The following CTNNA2 variants were observed in gnomAD, a reference collection of about 807,000 sequenced individuals.
CTNNA2 encodes the protein catenin alpha 2, also known as catenin alpha-2.
In CTNNA2, 42 loss-of-function variants were observed where a neutral mutation model predicts 101.0. That is an observed-to-expected ratio of 0.42 (90% CI 0.32 to 0.54). CTNNA2 has a LOEUF of 0.54. CTNNA2 is among the 20% of genes least tolerant of loss of function. CTNNA2 has a pLI of 0.14. For missense variants in CTNNA2, 871 were observed against 1,223.1 expected (o/e 0.71, Z 4.29); for synonymous variants, 450 against 456.4 (o/e 0.99, Z 0.18).
At chr2:80,260,505 C>G (rs938511488) in intron 7 of CTNNA2, among the ~76,000 whole-genome samples, 2 of 152,168 alleles carry the variant, frequency 1.3e-5, no homozygotes, top group East Asian at 1.9e-4. Flanking sequence ...AAAGTAGAGG[C>G]TACATCTGTT....
chr2:79,457,960 G>A (rs72921104), intron 4 of CTNNA2, among the ~76,000 whole-genome samples: 6,629 of 152,190 alleles, frequency 0.044, 462 homozygotes, highest in African/African-American at 0.15. Flanking sequence ...ACAGTTCCTG[G>A]CATCAGCACC....
intron 7 of CTNNA2, among the ~76,000 whole-genome samples, chr2:80,355,063 T>G (rs1673651083): frequency 6.6e-6 from 1 of 152,212 alleles, no homozygotes; most frequent in Admixed American, 6.5e-5. Context: ...TGGTTTATCA[T>G]GTGCTAGTTT....
At chr2:79,268,639 A>G (rs1027083757) in intron 2 of CTNNA2, among the ~76,000 whole-genome samples, 1 of 152,074 alleles carries the variant, frequency 6.6e-6, no homozygotes, top group South Asian at 2.1e-4. Context: ...CAGAGGCCTC[A>G]ACCTGTGGGA....
chr2:79,806,202 G>T (rs1168114011), intron 3 of CTNNA2, among the ~76,000 whole-genome samples: 2 of 144,992 alleles, frequency 1.4e-5, no homozygotes, highest in Non-Finnish European at 3.0e-5. Context: ...ACCCATTAGG[G>T]CTATGCACCC....
chr2:79,291,547 C>A (rs1267337247), intron 2 of CTNNA2, among the ~76,000 whole-genome samples: 3 of 152,162 alleles, frequency 2.0e-5, no homozygotes, highest in African/African-American at 7.2e-5. Flanking sequence ...CTCCCAGGAG[C>A]CATAAGTTGA....
At chr2:79,543,388 T>C (rs747674593) in intron 1 of CTNNA2, among the ~76,000 whole-genome samples, 8 of 152,234 alleles carry the variant, frequency 5.3e-5, no homozygotes, top group East Asian at 1.9e-4. Flanking sequence ...TTGTTGTACC[T>C]TTCTTCTTAA....
At chr2:80,124,452 A>G (rs1034187159) in intron 7 of CTNNA2, among the ~76,000 whole-genome samples, 1 of 152,218 alleles carries the variant, frequency 6.6e-6, no homozygotes, top group Non-Finnish European at 1.5e-5. Flanking sequence ...TCCCAAATGC[A>G]TGAATCAAGA....
intron 7 of CTNNA2, among the ~76,000 whole-genome samples, chr2:80,056,052 G>A (rs1697194464): frequency 6.6e-6 from 1 of 152,178 alleles, no homozygotes; most frequent in Non-Finnish European, 1.5e-5. Context: ...AACTGTCATA[G>A]AAGTCTGGAT....
At chr2:80,296,809 C>A (rs1471321384) in intron 7 of CTNNA2, among the ~76,000 whole-genome samples, 1 of 152,016 alleles carries the variant, frequency 6.6e-6, no homozygotes, top group Non-Finnish European at 1.5e-5. Flanking sequence ...TACTGGATAC[C>A]AGTAGCACCA....
At chr2:80,512,861 A>G (rs1688819334) in intron 9 of CTNNA2, among the ~76,000 whole-genome samples, 1 of 152,062 alleles carries the variant, frequency 6.6e-6, no homozygotes, top group Admixed American at 6.6e-5. Flanking sequence ...TTTATGCACT[A>G]TGGCCTTTTG....
intron 4 of CTNNA2, among the ~76,000 whole-genome samples, chr2:79,865,381 T>C (rs1401650772): frequency 6.6e-6 from 1 of 152,234 alleles, no homozygotes; most frequent in Non-Finnish European, 1.5e-5. Context: ...AAGATAGTTA[T>C]TTTTAAATTT....
At chr2:79,834,363 AGTT>A (rs2105440819) in intron 3 of CTNNA2, among the ~76,000 whole-genome samples, 2 of 152,230 alleles carry the variant, frequency 1.3e-5, no homozygotes, top group East Asian at 3.9e-4. Flanking sequence ...TCTCTGAAGT[AGTT>A]GTAACCATGT....
At chr2:79,307,805 A>G (rs1558618158) in intron 2 of CTNNA2, among the ~76,000 whole-genome samples, 2 of 152,238 alleles carry the variant, frequency 1.3e-5, no homozygotes, top group African/African-American at 4.8e-5. Flanking sequence ...ACTGTTCTTC[A>G]TCATGACTTA....
intron 2 of CTNNA2, among the ~76,000 whole-genome samples, chr2:79,273,546 A>G (rs547491896): frequency 1.3e-5 from 2 of 152,182 alleles, no homozygotes; most frequent in South Asian, 2.1e-4. Context: ...AAAATGTCCA[A>G]TCCTAGAAAA....
At chr2:79,249,578 G>A (rs188900638) in intron 2 of CTNNA2, among the ~76,000 whole-genome samples, 4 of 152,234 alleles carry the variant, frequency 2.6e-5, no homozygotes, top group South Asian at 2.1e-4. Flanking sequence ...ATCCTTAGCC[G>A]TTAGGTCCAC....
chr2:79,284,756 C>G (rs7581076), intron 2 of CTNNA2, among the ~76,000 whole-genome samples: 2 of 149,670 alleles, frequency 1.3e-5, no homozygotes, highest in African/African-American at 2.5e-5. Flanking sequence ...CCTTGGTATC[C>G]GGATGATGCT....
chr2:79,722,221 C>T (rs1443784299), intron 2 of CTNNA2, among the ~76,000 whole-genome samples: 1 of 152,112 alleles, frequency 6.6e-6, no homozygotes. Context: ...GGCTCATCAT[C>T]AATAAGCAGG....
intron 7 of CTNNA2, among the ~76,000 whole-genome samples, chr2:79,955,584 G>A (rs1405856000): frequency 6.6e-6 from 1 of 152,126 alleles, no homozygotes. Context: ...AGAGAGTCTC[G>A]CTCTGTCACT....
chr2:80,485,071 A>G (rs6547313), intron 9 of CTNNA2, among the ~76,000 whole-genome samples: 63,098 of 151,876 alleles, frequency 0.42, 14,790 homozygotes, highest in East Asian at 0.68. Flanking sequence ...TGCTTTACTC[A>G]TTTGTTTTGC....
Sources: gnomAD v4.1 joint callset for allele counts (sites outside exome capture counted in the v4.1 genomes callset) on GRCh38, gnomAD v4.1.1 for gene constraint, MANE v1.5 for transcripts, NCBI Gene and HGNC (gene_info 2026-07-23, HGNC 2026-07-21) for gene names.